Variants in ELOVL7 observed in about 807,000 individuals in gnomAD.
ELOVL7 encodes very long chain fatty acid elongase 7.
ELOVL7 carries 27 observed loss-of-function variants against 35.7 expected under a neutral mutation model. That is an observed-to-expected ratio of 0.76 (90% CI 0.56 to 1.04). ELOVL7 has a LOEUF of 1.04. Among genes scored for constraint, ELOVL7 ranks in the 50% least tolerant of loss-of-function variants. The pLI is 0.00. For missense variants in ELOVL7, 327 were observed against 340.8 expected, an observed-to-expected ratio of 0.96 and a Z score of 0.32; for synonymous variants, 113 against 114.6, an observed-to-expected ratio of 0.99 and a Z score of 0.09.
chr5:60,843,776 C>A (rs1331595936), intron 1 of ELOVL7, among the ~76,000 whole-genome samples: 1 of 152,116 alleles, frequency 6.6e-6, no homozygotes, highest in African/African-American at 2.4e-5. Flanking sequence ...AGGGCCAGCG[C>A]CGCGCGGGAC....
At chr5:60,843,892 C>A (rs1238828582) in intron 1 of ELOVL7, among the ~76,000 whole-genome samples, 2 of 152,070 alleles carry the variant, frequency 1.3e-5, no homozygotes, top group African/African-American at 4.8e-5. Flanking sequence ...GCCGCGGCCC[C>A]GCGCTCCGGC....
intron 1 of ELOVL7, among the ~76,000 whole-genome samples, chr5:60,805,453 T>C (rs953478611): frequency 1.3e-5 from 2 of 152,198 alleles, no homozygotes. Flanking sequence ...CCAGGCTAAA[T>C]AATTTTTTTA....
Position 60,795,222 on chromosome 5 carries a change from G to A in ELOVL7, c.-35+3958C>T, listed in dbSNP as rs189170903. Among the ~76,000 whole-genome samples, 39 of 152,194 alleles carry A rather than the reference G, an allele frequency of 2.6e-4. 1 individual carries two copies. The highest frequency in any genetic ancestry group is 8.9e-4 in the African/African-American group (37 of 41,516). On this transcript the variant is annotated intron_variant, in intron 2 of 8. Transcript: ENST00000508821. ...CCCAGAGGGTGGTGAAAGCCTCCCC[G>A]AGAGGAAGGTACTGAGAGACAGGAC... is the stretch of plus-strand genomic sequence containing the variant.
At chr5:60,823,249 T>C (rs1745987996) in intron 1 of ELOVL7, among the ~76,000 whole-genome samples, 1 of 151,994 alleles carries the variant, frequency 6.6e-6, no homozygotes, top group African/African-American at 2.4e-5. Flanking sequence ...GCAAGGGTGA[T>C]ACCTCCTCCG....
At chr5:60,829,220 C>G (rs1000752248) in intron 1 of ELOVL7, among the ~76,000 whole-genome samples, 100 of 151,944 alleles carry the variant, frequency 6.6e-4, no homozygotes, top group African/African-American at 2.4e-3. Flanking sequence ...AAATATTTCC[C>G]AATTCTTTTC....
At chr5:60,835,830 A>G (rs918477467) in intron 1 of ELOVL7, among the ~76,000 whole-genome samples, 3 of 152,058 alleles carry the variant, frequency 2.0e-5, no homozygotes, top group Admixed American at 6.5e-5. Flanking sequence ...CTTACGTTTC[A>G]TAAGTTCACG....
chr5:60,836,189 T>C lies in ELOVL7; in HGVS notation c.-86+7971A>G, dbSNP rs539129563. ...ATTTAAAAACACTGACTATATTTTA[T>C]GTTAAATATCACATCCACTACCATT... is the stretch of plus-strand genomic sequence containing the variant. On this transcript the variant is annotated intron_variant, in intron 1 of 8. Coordinates refer to ENST00000508821, the MANE Select transcript of ELOVL7 (RefSeq NM_024930.3). 4.6e-5 allele frequency among the ~76,000 whole-genome samples: 7 copies of C among 152,204 alleles called. No individual in the cohort carries two copies. In the South Asian group the frequency reaches 1.0e-3, roughly 23 times the overall value.
rs1741311418 is a variant in ELOVL7, at chr5:60,752,080, G to A, written c.*2544C>T. ...ATTTATTTTGTTGTTGTTGTTGCTT[G>A]TTAGGTAAGCAAACCCAAACAAATT... On this transcript the variant is annotated 3_prime_UTR_variant, in exon 9 of 9. Coordinates refer to ENST00000508821, the MANE Select transcript of ELOVL7 (RefSeq NM_024930.3). 1.3e-5 allele frequency: 2 copies of A among 152,082 alleles called. No individual in the cohort carries two copies. Among genetic ancestry groups the A allele is most frequent in the Non-Finnish European group, 1.5e-5 (1 of 67,996 alleles). The allele number at this position is 152,082 out of a possible 1,614,324, so 9.4% of individuals were successfully genotyped here.
chr5:60,778,905 C>T (rs925187051), intron 3 of ELOVL7, among the ~76,000 whole-genome samples: 1 of 152,214 alleles, frequency 6.6e-6, no homozygotes, highest in East Asian at 1.9e-4. Flanking sequence ...TTTCCAGATA[C>T]AATGGGGATA....
At chr5:60,771,521 T>C (rs1742589331) in intron 4 of ELOVL7, among the ~76,000 whole-genome samples, 1 of 152,222 alleles carries the variant, frequency 6.6e-6, no homozygotes, top group Non-Finnish European at 1.5e-5. Context: ...GACAACTTTT[T>C]ACTGAGTCAA....
chr5:60,769,849 A>T (rs1185246818), intron 4 of ELOVL7, among the ~76,000 whole-genome samples: 1 of 152,154 alleles, frequency 6.6e-6, no homozygotes, highest in Non-Finnish European at 1.5e-5. Flanking sequence ...TAGGAGTTTG[A>T]GAGCAGTCTG....
At chr5:60,784,001 T>A in intron 3 of ELOVL7, 1 of 691,252 alleles carries the variant, frequency 1.4e-6, no homozygotes, top group African/African-American at 1.7e-5. Flanking sequence ...TATACCCCAA[T>A]GATTACCAAA....
In ELOVL7 at chr5:60,767,936, A is replaced by C. The variant is rs79940333; in HGVS notation, c.256-33T>G. ...AGAGCACATGCATATTAAGAAAGGA[A>C]AGCATTTTCCCAACAGCCACAACAA... On this transcript the variant is annotated intron_variant, in intron 4 of 8. Coordinates refer to ENST00000508821, the MANE Select transcript of ELOVL7 (RefSeq NM_024930.3). 2,576 of 1,569,074 alleles carry C rather than the reference A, an allele frequency of 1.6e-3. 26 individuals are homozygous for C. The African/African-American group carries it at 0.031, about 19-fold the overall frequency.
At chr5:60,780,767 G>A (rs975832252) in intron 3 of ELOVL7, among the ~76,000 whole-genome samples, 3 of 152,152 alleles carry the variant, frequency 2.0e-5, no homozygotes, top group Non-Finnish European at 2.9e-5. Context: ...ACTCACAATC[G>A]TGAGAAGAGC....
In ELOVL7 at chr5:60,752,201, G is replaced by A. The variant is rs16878354; in HGVS notation, c.*2423C>T. On this transcript the variant is annotated 3_prime_UTR_variant, in exon 9 of 9. Transcript: ENST00000508821. The stretch of plus-strand genomic sequence containing the variant: ...GGCCCATACAAATTCCATATCCAGT[G>A]AAAATCATTTTGATCCACAATCATG... 9,471 of 152,270 alleles carry A rather than the reference G, an allele frequency of 0.062. 564 individuals are homozygous for A. Among genetic ancestry groups the A allele is most frequent in the East Asian group, 0.2 (1,024 of 5,176 alleles). 9.4% of individuals were successfully genotyped at this position (152,270 alleles called of 1,614,324 possible). A position where few individuals can be genotyped will look rare whatever the true frequency, so the allele number is the denominator to read the frequency against.
chr5:60,775,718 A>T (rs1742863197), intron 3 of ELOVL7, among the ~76,000 whole-genome samples: 1 of 152,236 alleles, frequency 6.6e-6, no homozygotes, highest in Non-Finnish European at 1.5e-5. Context: ...AATGAAAATA[A>T]GCAATGGGGA....
intron 7 of ELOVL7, among the ~76,000 whole-genome samples, chr5:60,758,095 A>G (rs938741012): frequency 1.3e-5 from 2 of 152,190 alleles, no homozygotes; most frequent in Non-Finnish European, 2.9e-5. Flanking sequence ...CCAACACCAC[A>G]TAAGATTCCC....
chr5:60,793,678 G>C (rs1430411648), intron 2 of ELOVL7, among the ~76,000 whole-genome samples: 2 of 152,118 alleles, frequency 1.3e-5, no homozygotes, highest in South Asian at 2.1e-4. Context: ...TCATTTTTCT[G>C]GGAGGACTCT....
intron 5 of ELOVL7, 85 bp from the exon 6 acceptor site, chr5:60,766,715 A>G: frequency 4.3e-6 from 5 of 1,151,390 alleles, no homozygotes; most frequent in Middle Eastern, 5.8e-4. Context: ...TATGCATACC[A>G]TAAAATCTGT....
Sources: allele counts gnomAD v4.1 joint callset (sites outside exome capture counted in the v4.1 genomes callset), GRCh38; gene constraint gnomAD v4.1.1; transcripts MANE v1.5; gene names NCBI Gene and HGNC (gene_info 2026-07-23, HGNC 2026-07-21).